The following DUS3L variants were observed in gnomAD, a reference collection of about 807,000 sequenced individuals.
DUS3L encodes dihydrouridine synthase 3 like, also known as tRNA-dihydrouridine(47) synthase [NAD(P)(+)]-like.
In DUS3L, 62 loss-of-function variants were observed where a neutral mutation model predicts 74.6. That is an observed-to-expected ratio of 0.83 (90% CI 0.68 to 1.03). DUS3L has a LOEUF of 1.03. Among genes scored for constraint, DUS3L ranks in the 50% least tolerant of loss-of-function variants. DUS3L has a pLI of 0.00. For synonymous variants in DUS3L, 433 were observed against 395.7 expected (o/e 1.09, Z -1.12); for missense variants, 884 against 924.4 (o/e 0.96, Z 0.57).
In DUS3L at chr19:5,787,696, C is replaced by T. The variant is rs369831822; in HGVS notation, c.1105G>A (p.Ala369Thr). Residue 369 changes from alanine (A) to threonine (T), a missense_variant, in exon 6 of 13, where the codon GCC becomes ACC. By Grantham distance (58) the Ala-to-Thr change is moderately conservative. Coordinates refer to ENST00000309061, the MANE Select transcript of DUS3L (RefSeq NM_020175.3). The stretch of plus-strand genomic sequence containing the variant: ...CACTTGGTCATGGTGTCGGGGAAGG[C>T]GCCCTCCAGCTGTAGGTGGGTAGTG... Reference protein sequence around the residue: ...EDIFGVQLEGAFPDTMTKCAE... With the variant: ...EDIFGVQLEGTFPDTMTKCAE... 2.5e-5 allele frequency: 40 copies of T among 1,613,136 alleles called. No homozygotes were observed. The highest frequency in any genetic ancestry group is 2.2e-5 in the South Asian group (2 of 91,090).
At chr19:5,790,695 C>T (rs1192565951) in intron 1 of DUS3L, 3 of 540,730 alleles carry the variant, frequency 5.5e-6, no homozygotes, top group Non-Finnish European at 9.9e-6. Flanking sequence ...CAGCACGCCC[C>T]GCGGCACTCG....
At chr19:5,787,247 G>A in intron 7 of DUS3L, 49 bp downstream of exon 7, 1 of 1,124,780 alleles carries the variant, frequency 8.9e-7, no homozygotes, top group Non-Finnish European at 1.2e-6. Flanking sequence ...GGGAGACAGG[G>A]CCCGGGGGAG....
At position 5,787,716 on chromosome 19, in the gene DUS3L, G is replaced by T; in HGVS notation, c.1096-11C>A. 6.2e-7 allele frequency: 1 copy of T among 1,612,122 alleles called. No homozygotes were observed. The highest frequency in any genetic ancestry group is 8.5e-7 in the Non-Finnish European group (1 of 1,179,534). On this transcript the variant is annotated splice_polypyrimidine_tract_variant and intron_variant, in intron 5 of 12. Transcript: ENST00000309061. ...GAAGGCGCCCTCCAGCTGTAGGTGG[G>T]TAGTGGCAGAACAGGAGGGTGAGGG...
At chr19:5,785,571 C>A in intron 11 of DUS3L, 32 bp downstream of exon 11, 1 of 1,576,270 alleles carries the variant, frequency 6.3e-7, no homozygotes, top group South Asian at 1.2e-5. Flanking sequence ...GCGGCCCACG[C>A]GCCGCCCACC....
chr19:5,786,547 G>A lies in DUS3L; in HGVS notation c.1487-5C>T. 6.2e-7 allele frequency: 1 copy of A among 1,612,764 alleles called. No individual in the cohort carries two copies. Among genetic ancestry groups the A allele is most frequent in the Non-Finnish European group, 8.5e-7 (1 of 1,179,816 alleles). ...ATGACAAGATGTCCCCATTTCCTGA[G>A]GAGACAGAGGCTGGGGTCTCAGGGA... On this transcript the variant is annotated splice_polypyrimidine_tract_variant and splice_region_variant and intron_variant, in intron 9 of 12. Coordinates refer to ENST00000309061, the MANE Select transcript of DUS3L (RefSeq NM_020175.3).
In DUS3L at chr19:5,790,289, C is replaced by T. The variant is rs1291922791; in HGVS notation, c.145G>A (p.Gly49Arg). Residue 49 changes from glycine (G) to arginine (R), a missense_variant, in exon 2 of 13, where the codon GGG (glycine) becomes AGG (arginine). Transcript: ENST00000309061. ...GTTTCCCGGCAAGTCTTCTCCTGCC[C>T]TTTGGCTTCCAGGAATTGGTGAAAC... ...EQFHQFLEAKGQEKTCRETEV... is the reference protein window; with the variant it reads ...EQFHQFLEAKRQEKTCRETEV... 15 of 1,614,070 alleles carry T rather than the reference C, an allele frequency of 9.3e-6. No individual in the cohort carries two copies. The Admixed American group carries it at 2.3e-4, about 25-fold the overall frequency.
In DUS3L at chr19:5,789,020, T is replaced by C. The variant is rs1225175711; in HGVS notation, c.900+187A>G. On this transcript the variant is annotated intron_variant, in intron 3 of 12. Coordinates refer to ENST00000309061, the MANE Select transcript of DUS3L (RefSeq NM_020175.3). ...CCGCCCCCGGCCCTGTCCAGCTCTT[T>C]CTGTCCCCACCTCCTGAGGGCTGGG... 3 of 772,562 alleles carry C rather than the reference T, an allele frequency of 3.9e-6. No homozygotes were observed. In the African/African-American group the frequency reaches 9.4e-5, roughly 24 times the overall value. 47.9% of individuals were successfully genotyped at this position (772,562 alleles called of 1,614,324 possible).
chr19:5,790,989 G>GC (rs2144740625), intron 1 of DUS3L, 55 bp downstream of exon 1: 1 of 1,517,440 alleles, frequency 6.6e-7, no homozygotes, highest in Admixed American at 2.0e-5. Flanking sequence ...AGCTCGGACC[G>GC]CGCTATGGGT....
At chr19:5,786,633 C>G (rs913506445) in intron 9 of DUS3L, 91 bp from the exon 10 acceptor site, 1 of 1,573,418 alleles carries the variant, frequency 6.4e-7, no homozygotes, top group Middle Eastern at 1.7e-4. Context: ...TTTGGCTGAC[C>G]CAGTGGCTCC....
At chr19:5,785,898 A>G in intron 10 of DUS3L, 107 bp from the exon 11 acceptor site, 1 of 1,261,688 alleles carries the variant, frequency 7.9e-7, no homozygotes, top group Non-Finnish European at 1.1e-6. Flanking sequence ...CACAAAACCT[A>G]CAAGCCTAGT....
Position 5,789,323 on chromosome 19 carries a change from C to T in DUS3L, c.784G>A (p.Ala262Thr). ...CCCGGCCCTGCGGGGACCTGCTGGGCACCACAGTTTTCCTGCCTGGGAGCG... is the reference window on the plus strand; with the variant it reads ...CCCGGCCCTGCGGGGACCTGCTGGGTACCACAGTTTTCCTGCCTGGGAGCG... ...EGAPRQENCG[A>T]QQVPAGPGTS... Residue 262 changes from alanine (A) to threonine (T), a missense_variant, in exon 3 of 13, where the codon GCC (alanine) becomes ACC (threonine). By Grantham distance (58) the Ala-to-Thr change is moderately conservative (BLOSUM62 0). Coordinates refer to ENST00000309061, the MANE Select transcript of DUS3L (RefSeq NM_020175.3). 1 of 1,605,702 alleles carries T rather than the reference C, an allele frequency of 6.2e-7. No individual in the cohort carries two copies. Among genetic ancestry groups the T allele is most frequent in the South Asian group, 1.1e-5 (1 of 90,302 alleles).
chr19:5,787,478 C>T (rs2056865199), intron 6 of DUS3L, 111 bp downstream of exon 6: 2 of 1,509,910 alleles, frequency 1.3e-6, no homozygotes, highest in African/African-American at 2.7e-5. Context: ...GGCAGGGACT[C>T]CAGGGCCACA....
rs1183185867 is a variant in DUS3L, at chr19:5,789,315, C to T, written c.792G>A (p.Gln264=). 6.2e-7 allele frequency: 1 copy of T among 1,605,050 alleles called. No individual in the cohort carries two copies. Among genetic ancestry groups the T allele is most frequent in the East Asian group, 2.2e-5 (1 of 44,708 alleles). Residue 264 remains glutamine, a synonymous_variant, in exon 3 of 13, where the codon CAG becomes CAA. Coordinates refer to ENST00000309061, the MANE Select transcript of DUS3L (RefSeq NM_020175.3). ...APRQENCGAQ[Q]VPAGPGTSTP... ...TGCTAGTGCCCGGCCCTGCGGGGAC[C>T]TGCTGGGCACCACAGTTTTCCTGCC...
rs757157405 is a variant in DUS3L at position 5,786,814 on chromosome 19, G to A, written c.1421C>T (p.Thr474Ile). The A allele has an allele frequency of 6.2e-6, 10 of 1,611,602 alleles. No individual in the cohort carries two copies. In the Admixed American group the frequency reaches 1.7e-4, roughly 27 times the overall value. ...LHGRSREQRYTKLADWQYIEE... is the reference protein window; with the variant it reads ...LHGRSREQRYIKLADWQYIEE... ...GATGTACTGCCAGTCGGCTAGCTTGGTGTAGCGCTGCTCCCGAGAGCGGCC... is the reference window on the plus strand; with the variant it reads ...GATGTACTGCCAGTCGGCTAGCTTGATGTAGCGCTGCTCCCGAGAGCGGCC... The change falls in exon 9 of 13, where the codon ACC (threonine) becomes ATC (isoleucine). Residue 474 changes from threonine (T) to isoleucine (I), a missense_variant. Physicochemically the swap from Thr to Ile is moderately conservative, Grantham distance 89. Transcript: ENST00000309061.
chr19:5,789,389 T>TG lies in DUS3L; in HGVS notation c.717dup (p.Thr240HisfsTer33). ...CCCTCGGGGACAGCGGCAGCGGGTG[T>TG]GGGGCCCTGGCTGAACCGGCGCAGG... On this transcript the variant is annotated frameshift_variant, in exon 3 of 13. Coordinates refer to ENST00000309061, the MANE Select transcript of DUS3L (RefSeq NM_020175.3). LOFTEE classifies it high-confidence loss of function. The TG allele has an allele frequency of 6.3e-7, 1 of 1,592,284 alleles. No homozygotes were observed. The highest frequency in any genetic ancestry group is 8.5e-7 in the Non-Finnish European group (1 of 1,172,182).
intron 1 of DUS3L, among the ~76,000 whole-genome samples, chr19:5,790,577 T>C (rs377678286): frequency 6.6e-6 from 1 of 152,264 alleles, no homozygotes; most frequent in African/African-American, 2.4e-5. Context: ...AGAACGTCCC[T>C]GCGCACGTTA....
At chr19:5,787,400 G>T in intron 6 of DUS3L, 39 bp from the exon 7 acceptor site, 1 of 1,605,318 alleles carries the variant, frequency 6.2e-7, no homozygotes, top group Non-Finnish European at 8.5e-7. Context: ...GCAGGACGTG[G>T]GCTGACCCAA....
rs375593434 is a variant in DUS3L, at chr19:5,789,369, G to C, written c.738C>G (p.Pro246=). The change falls in exon 3 of 13, where the codon CCC becomes CCG. Residue 246 remains proline (P), a synonymous_variant. Transcript: ENST00000309061. The part of the protein sequence containing the change: ...SQGPTPAAAV[P]EGTAAEGAPR... ...GAGCGCCCTCGGCTGCCGTGCCCTCGGGGACAGCGGCAGCGGGTGTGGGGC... is the reference window on the plus strand; with the variant it reads ...GAGCGCCCTCGGCTGCCGTGCCCTCCGGGACAGCGGCAGCGGGTGTGGGGC... 42 of 1,593,396 alleles carry C rather than the reference G, an allele frequency of 2.6e-5. No homozygotes were observed. The highest frequency in any genetic ancestry group is 3.5e-5 in the Non-Finnish European group (41 of 1,171,934).
Position 5,790,308 on chromosome 19 carries a change from G to A in DUS3L, c.126C>T (p.His42=). The change falls in exon 2 of 13, where the codon CAC becomes CAT. Residue 42 remains histidine (H), a synonymous_variant. Transcript: ENST00000309061. Reference sequence around the variant, plus strand: ...CCTGCCCTTTGGCTTCCAGGAATTGGTGAAACTGCTCCTTGGTGGTGAGGT... The same window carrying A: ...CCTGCCCTTTGGCTTCCAGGAATTGATGAAACTGCTCCTTGGTGGTGAGGT... ...RQYLTTKEQF[H]QFLEAKGQEK... 2 of 1,614,112 alleles carry A rather than the reference G, an allele frequency of 1.2e-6. No individual in the cohort carries two copies. Among genetic ancestry groups the A allele is most frequent in the Non-Finnish European group, 1.7e-6 (2 of 1,180,032 alleles).
Sources: allele counts gnomAD v4.1 joint callset (sites outside exome capture counted in the v4.1 genomes callset), GRCh38; gene constraint gnomAD v4.1.1; transcripts MANE v1.5; gene names NCBI Gene and HGNC (gene_info 2026-07-23, HGNC 2026-07-21).